HNF4G: variants seen among roughly 807,000 people sequenced by gnomAD.
HNF4G encodes the protein hepatocyte nuclear factor 4-gamma.
HNF4G carries 21 observed loss-of-function variants against 50.9 expected under a neutral mutation model. That is an observed-to-expected ratio of 0.41 (90% CI 0.29 to 0.59). The LOEUF (loss-of-function observed/expected upper bound fraction) is 0.59, where lower values mean the gene tolerates loss of function less well. HNF4G is among the 20% of genes least tolerant of loss of function. The pLI, the probability that HNF4G is intolerant of heterozygous loss-of-function variation, is 0.26. For synonymous variants in HNF4G, 198 were observed against 185.6 expected (o/e 1.07, Z -0.54); for missense variants, 527 against 559.4 (o/e 0.94, Z 0.58).
intron 1 of HNF4G, among the ~76,000 whole-genome samples, chr8:75,409,106 A>C (rs1263627282): frequency 6.6e-6 from 1 of 152,128 alleles, no homozygotes; most frequent in East Asian, 1.9e-4. Context: ...GTGTGGTCGA[A>C]GTAGGTGACC....
chr8:75,525,739 T>G (rs1288834393), intron 2 of HNF4G, among the ~76,000 whole-genome samples: 2 of 152,158 alleles, frequency 1.3e-5, no homozygotes, highest in Admixed American at 6.5e-5. Context: ...AATTAAGATA[T>G]AAGATTATAT....
chr8:75,425,613 A>G (rs191810367), intron 1 of HNF4G, among the ~76,000 whole-genome samples: 26 of 148,594 alleles, frequency 1.7e-4, no homozygotes, highest in African/African-American at 6.1e-4. Context: ...TTTTTTATAT[A>G]TATACACACT....
upstream of HNF4G, among the ~76,000 whole-genome samples, chr8:75,539,210 A>G (rs956236166): frequency 2.0e-5 from 3 of 152,208 alleles, no homozygotes; most frequent in African/African-American, 7.2e-5. Context: ...ATGAAACATT[A>G]TACATGTAAC....
chr8:75,517,924 A>G (rs1002583287), intron 2 of HNF4G, among the ~76,000 whole-genome samples: 1 of 151,862 alleles, frequency 6.6e-6, no homozygotes, highest in Non-Finnish European at 1.5e-5. Context: ...CTCTGCCTGG[A>G]CATCCAGGCA....
At chr8:75,420,349 T>C (rs774949365) in intron 1 of HNF4G, among the ~76,000 whole-genome samples, 1 of 152,256 alleles carries the variant, frequency 6.6e-6, no homozygotes, top group Non-Finnish European at 1.5e-5. Flanking sequence ...AAGAATATGT[T>C]ATCTTCCTGC....
At chr8:75,474,513 T>G (rs1358205670) in intron 1 of HNF4G, among the ~76,000 whole-genome samples, 3 of 152,132 alleles carry the variant, frequency 2.0e-5, no homozygotes, top group African/African-American at 7.2e-5. Flanking sequence ...CTACTTAAAA[T>G]AAGTTCAATA....
intron 2 of HNF4G, among the ~76,000 whole-genome samples, chr8:75,533,225 A>G (rs906113782): frequency 1.3e-5 from 2 of 152,052 alleles, no homozygotes; most frequent in African/African-American, 4.8e-5. Context: ...CAGACAAAAT[A>G]GTAAATAGAA....
chr8:75,485,462 T>TA (rs1214910681), intron 1 of HNF4G, among the ~76,000 whole-genome samples: 3 of 152,196 alleles, frequency 2.0e-5, no homozygotes, highest in African/African-American at 7.2e-5. Flanking sequence ...AAATTCTATG[T>TA]AAAAAACTGC....
chr8:75,482,611 G>C (rs1812406571), intron 1 of HNF4G, among the ~76,000 whole-genome samples: 1 of 152,108 alleles, frequency 6.6e-6, no homozygotes, highest in South Asian at 2.1e-4. Flanking sequence ...CAGGTGACCT[G>C]CCTGCCTTGG....
intron 2 of HNF4G, among the ~76,000 whole-genome samples, chr8:75,531,451 A>G (rs1323780627): frequency 6.6e-6 from 1 of 152,208 alleles, no homozygotes; most frequent in Non-Finnish European, 1.5e-5. Context: ...GGACTTTGGC[A>G]TCTTATCTTT....
chr8:75,420,200 A>G (rs907407171), intron 1 of HNF4G, among the ~76,000 whole-genome samples: 2 of 152,098 alleles, frequency 1.3e-5, no homozygotes, highest in African/African-American at 4.8e-5. Flanking sequence ...TGGGCCTCAC[A>G]TTTTCTACTT....
rs1428420182 is a variant in HNF4G at position 75,485,065 on chromosome 8, T to C, written c.-143-5024T>C. ...AACTATATTTAAATGGTCAACTTTG[T>C]AGGTCAAATATGCAGAAATATTACA... On this transcript the variant is annotated intron_variant, in intron 1 of 10. Coordinates refer to the HNF4G transcript ENST00000354370. Among the ~76,000 whole-genome samples the C allele has an allele frequency of 2.6e-5, 4 of 152,212 alleles. No homozygotes were observed. The East Asian group carries it at 7.7e-4, about 29-fold the overall frequency.
At chr8:75,529,505 C>T (rs1806272915) in intron 2 of HNF4G, among the ~76,000 whole-genome samples, 1 of 152,074 alleles carries the variant, frequency 6.6e-6, no homozygotes, top group South Asian at 2.1e-4. Context: ...AGAAATGCCA[C>T]TATCTCAAAA....
chr8:75,436,710 C>A (rs1422655035), intron 1 of HNF4G, among the ~76,000 whole-genome samples: 1 of 152,144 alleles, frequency 6.6e-6, no homozygotes, highest in African/African-American at 2.4e-5. Context: ...TAAAAAGAAG[C>A]AAAGCTGTAA....
chr8:75,522,108 G>A (rs1454297052), intron 2 of HNF4G, among the ~76,000 whole-genome samples: 2 of 152,200 alleles, frequency 1.3e-5, no homozygotes. Flanking sequence ...AGGCTATAAA[G>A]CTTTTTCAAT....
In HNF4G at chr8:75,559,006, T is replaced by G; in HGVS notation, c.1092T>G (p.Ile364Met). 1.2e-6 allele frequency: 2 copies of G among 1,606,998 alleles called. No individual in the cohort carries two copies. The highest frequency in any genetic ancestry group is 1.7e-6 in the Non-Finnish European group (2 of 1,173,574). ...QFVKLFGMVK[I>M]DNLLQEMLLG... is the part of the protein sequence containing the mutation. ...TTAAACTTTTTGGGATGGTTAAAATTGACAATCTACTTCAGGAAATGCTAT... is the reference window on the plus strand; with the variant it reads ...TTAAACTTTTTGGGATGGTTAAAATGGACAATCTACTTCAGGAAATGCTAT... Residue 364 changes from isoleucine (I) to methionine (M), a missense_variant, in exon 8 of 10, where the codon ATT (isoleucine) becomes ATG (methionine). Transcript: ENST00000396423.
chr8:75,555,316 G>C (rs149715265), intron 5 of HNF4G, among the ~76,000 whole-genome samples: 6 of 152,278 alleles, frequency 3.9e-5, no homozygotes, highest in Non-Finnish European at 7.3e-5. Flanking sequence ...ATGGGGAAGT[G>C]TTACATTGGT....
intron 1 of HNF4G, among the ~76,000 whole-genome samples, chr8:75,480,244 G>T (rs1585880861): frequency 1.3e-5 from 2 of 152,134 alleles, no homozygotes; most frequent in African/African-American, 4.8e-5. Flanking sequence ...CAAACTTTGG[G>T]AAAAATCATT....
chr8:75,540,165 C>T (rs1806574827), intron 1 of HNF4G, 85 bp downstream of exon 1: 1 of 784,032 alleles, frequency 1.3e-6, no homozygotes, highest in Non-Finnish European at 2.2e-6. Context: ...GGTGGTGGCT[C>T]AATGTTTTTT....
Sources: gnomAD v4.1 joint callset for allele counts (sites outside exome capture counted in the v4.1 genomes callset) on GRCh38, gnomAD v4.1.1 for gene constraint, MANE v1.5 for transcripts, NCBI Gene and HGNC (gene_info 2026-07-23, HGNC 2026-07-21) for gene names.